CDHR2: variants seen among roughly 807,000 people sequenced by gnomAD.
CDHR2 encodes the protein cadherin related family member 2, also known as cadherin-related family member 2.
CDHR2 carries 104 observed loss-of-function variants against 138.6 expected under a neutral mutation model. That is an observed-to-expected ratio of 0.75 (90% CI 0.64 to 0.88). The LOEUF (loss-of-function observed/expected upper bound fraction) is 0.88, where lower values mean the gene tolerates loss of function less well. Ranked by LOEUF, CDHR2 falls within the 40% of genes least tolerant of loss-of-function variation. The pLI, the probability that CDHR2 is intolerant of heterozygous loss-of-function variation, is 0.00. For missense variants in CDHR2, 1,624 were observed against 1,727.6 expected (o/e 0.94, Z 1.06); for synonymous variants, 755 against 742.8 (o/e 1.02, Z -0.27).
chr5:176,552,178 G>A (rs987238489), intron 1 of CDHR2, among the ~76,000 whole-genome samples: 1 of 152,234 alleles, frequency 6.6e-6, no homozygotes, highest in Non-Finnish European at 1.5e-5. Flanking sequence ...CATTCACTCG[G>A]TTTCCATTTG....
rs1455371937 is a variant in CDHR2 at position 176,578,105 on chromosome 5, C to A, written c.1574+10C>A. 1.2e-6 allele frequency: 2 copies of A among 1,609,342 alleles called. No homozygotes were observed. Among genetic ancestry groups the A allele is most frequent in the South Asian group, 2.2e-5 (2 of 90,678 alleles). ...TGCTCCCAGGAAATGGGTAAGGGCT[C>A]AGGGTGGGCCGTAGGCAGGTGGGTG... On this transcript the variant is annotated intron_variant, in intron 15 of 31. Coordinates refer to ENST00000261944, the MANE Select transcript of CDHR2 (RefSeq NM_017675.6).
intron 31 of CDHR2, among the ~76,000 whole-genome samples, chr5:176,593,454 C>G (rs1265997557): frequency 6.6e-6 from 1 of 152,194 alleles, no homozygotes; most frequent in Non-Finnish European, 1.5e-5. Context: ...TGCTAAGGTG[C>G]AGGCACGGTG....
chr5:176,566,560 G>C (rs1309583379), intron 3 of CDHR2, among the ~76,000 whole-genome samples: 1 of 152,230 alleles, frequency 6.6e-6, no homozygotes, highest in African/African-American at 2.4e-5. Context: ...CGGAGCTGTG[G>C]GGGCATGTCC....
In CDHR2 at chr5:176,576,174, G is replaced by T. The variant is rs768702763; in HGVS notation, c.1183G>T (p.Asp395Tyr). The T allele has an allele frequency of 6.2e-7, 1 of 1,609,558 alleles. No homozygotes were observed. The highest frequency in any genetic ancestry group is 1.1e-5 in the South Asian group (1 of 90,998). The change falls in exon 12 of 32, where the codon GAC (aspartate) becomes TAC (tyrosine). Residue 395 changes from aspartate to tyrosine, a missense_variant. Around this residue, in one of 3 missense-constraint regions of CDHR2, gnomAD observed 1,061 missense variants for 1,136.6 expected, o/e 0.93. Coordinates refer to ENST00000261944, the MANE Select transcript of CDHR2 (RefSeq NM_017675.6). The surrounding 1 kb of genome is among the most constrained non-coding windows in gnomAD (Gnocchi z 4.5). ...PIDDLTMVVYDPDKGSNGTFL... is the reference protein window; with the variant it reads ...PIDDLTMVVYYPDKGSNGTFL... ...CGATGACCTCACCATGGTGGTCTAC[G>T]ACCCGGACAAGGCAGGCGTGGTGGC... is the stretch of plus-strand genomic sequence containing the variant.
At chr5:176,595,032 C>A (rs1758987759) in intron 31 of CDHR2, among the ~76,000 whole-genome samples, 1 of 152,206 alleles carries the variant, frequency 6.6e-6, no homozygotes, top group Non-Finnish European at 1.5e-5. Context: ...CGCTTTTGAA[C>A]CAGCAAGACC....
rs150379281 is a variant in CDHR2, at chr5:176,578,446, C to A, written c.1656C>A (p.Ala552=). Residue 552 remains alanine (A), a synonymous_variant, in exon 16 of 32, where the codon GCC becomes GCA. Transcript: ENST00000261944. ...NGELLDRESQ[A]VYYLTLQATD... ...AGCTGCTGGACCGGGAGAGCCAGGC[C>A]GTGTACTACCTGACGCTGCAGGCCA... The A allele has an allele frequency of 2.5e-6, 4 of 1,613,902 alleles. No homozygotes were observed. The highest frequency in any genetic ancestry group is 1.7e-5 in the Admixed American group (1 of 59,998).
chr5:176,578,250 A>C, intron 15 of CDHR2, 115 bp from the exon 16 acceptor site: 1 of 1,213,208 alleles, frequency 8.2e-7, no homozygotes, highest in Non-Finnish European at 1.2e-6. Flanking sequence ...GAAATAATGA[A>C]TATGTTGCAT....
At position 176,595,787 on chromosome 5, in the gene CDHR2, C is replaced by A; in HGVS notation, c.*115C>A. On this transcript the variant is annotated 3_prime_UTR_variant, in exon 32 of 32. Coordinates refer to ENST00000261944, the MANE Select transcript of CDHR2 (RefSeq NM_017675.6). ...GCCCTGCCTCCTGCTTTTGGCCAATCACGGCAGACAGGGGTTGGGGAAATA... is the reference window on the plus strand; with the variant it reads ...GCCCTGCCTCCTGCTTTTGGCCAATAACGGCAGACAGGGGTTGGGGAAATA... 1 of 1,039,054 alleles carries A rather than the reference C, an allele frequency of 9.6e-7. No homozygotes were observed. The highest frequency in any genetic ancestry group is 1.3e-6 in the Non-Finnish European group (1 of 745,180). 64.4% of individuals were successfully genotyped at this position (1,039,054 alleles called of 1,614,324 possible).
intron 30 of CDHR2, 152 bp downstream of exon 30, chr5:176,591,636 G>A: frequency 4.6e-6 from 3 of 651,480 alleles, no homozygotes; most frequent in Non-Finnish European, 8.3e-6. Context: ...GGTGGTGATG[G>A]TAGTGAGGTG....
chr5:176,578,497 C>T lies in CDHR2; in HGVS notation c.1707C>T (p.Ser569=), dbSNP rs1302112331. 1 of 1,613,918 alleles carries T rather than the reference C, an allele frequency of 6.2e-7. No homozygotes were observed. Among genetic ancestry groups the T allele is most frequent in the African/African-American group, 1.3e-5 (1 of 75,048 alleles). ...QATDGGNLSS[S]TTLQIHLLDI... is the part of the protein sequence containing the mutation. ...CAGACGGCGGGAACCTGTCCTCCTC[C>T]ACCACACTGCAGATCCACCTGCTGG... Residue 569 remains serine (S), a synonymous_variant, in exon 16 of 32, where the codon TCC becomes TCT. Coordinates refer to ENST00000261944, the MANE Select transcript of CDHR2 (RefSeq NM_017675.6).
Position 176,575,217 on chromosome 5 carries a change from G to A in CDHR2, c.621+8G>A. 6.2e-7 allele frequency: 1 copy of A among 1,614,168 alleles called. No individual in the cohort carries two copies. Among genetic ancestry groups the A allele is most frequent in the Non-Finnish European group, 8.5e-7 (1 of 1,180,018 alleles). On this transcript the variant is annotated splice_region_variant and intron_variant, in intron 8 of 31. Coordinates refer to ENST00000261944, the MANE Select transcript of CDHR2 (RefSeq NM_017675.6). ...CTGGAGCTGAAGGCCTGTGTGAGTG[G>A]GGGTGCCGGCAGGCGGGCCTAGGAC...
intron 30 of CDHR2, among the ~76,000 whole-genome samples, chr5:176,592,109 T>A (rs1758879008): frequency 6.9e-6 from 1 of 145,436 alleles, no homozygotes; most frequent in African/African-American, 2.6e-5. Context: ...GTGGTGGTGA[T>A]GGTGATGGTA....
At position 176,575,766 on chromosome 5, in the gene CDHR2, T is replaced by A; in HGVS notation, c.887T>A (p.Val296Glu). 2 of 1,565,222 alleles carry A rather than the reference T, an allele frequency of 1.3e-6. No individual in the cohort carries two copies. Among genetic ancestry groups the A allele is most frequent in the Non-Finnish European group, 1.7e-6 (2 of 1,154,754 alleles). The change falls in exon 11 of 32, where the codon GTG becomes GAG. Residue 296 changes from valine to glutamate, a missense_variant. Coordinates refer to ENST00000261944, the MANE Select transcript of CDHR2 (RefSeq NM_017675.6). ...TGGTTTGACATCGGGGCAGATGGGG[T>A]GATCAGGGTCAACGGCTCCCTGGAC... ...PGWFDIGADG[V>E]IRVNGSLDRE...
chr5:176,578,403 T>C lies in CDHR2; in HGVS notation c.1613T>C (p.Val538Ala). 6.2e-7 allele frequency: 1 copy of C among 1,613,968 alleles called. No homozygotes were observed. Among genetic ancestry groups the C allele is most frequent in the Non-Finnish European group, 8.5e-7 (1 of 1,179,966 alleles). The change falls in exon 16 of 32, where the codon GTG (valine) becomes GCG (alanine). Residue 538 changes from valine to alanine, a missense_variant. By Grantham distance (64) the Val-to-Ala change is moderately conservative (BLOSUM62 0). Around this residue, in one of 3 missense-constraint regions of CDHR2, gnomAD observed 1,061 missense variants for 1,136.6 expected, o/e 0.93. Transcript: ENST00000261944. ...LFQVDPVSGT[V>A]TVRNGELLDR... Reference sequence around the variant, plus strand: ...CAAGTGGATCCCGTCTCAGGGACGGTGACGGTGAGGAACGGTGAGCTGCTG... The same window carrying C: ...CAAGTGGATCCCGTCTCAGGGACGGCGACGGTGAGGAACGGTGAGCTGCTG...
Position 176,591,461 on chromosome 5 carries a change from C to T in CDHR2, c.3711C>T (p.Pro1237=). 6.2e-7 allele frequency: 1 copy of T among 1,613,780 alleles called. No homozygotes were observed. The highest frequency in any genetic ancestry group is 8.5e-7 in the Non-Finnish European group (1 of 1,179,850). ...ACCTGGGCTTGGAGTACCTCTCTCCCTCCAATGACCTGGACTCTGTCAGGT... is the reference window on the plus strand; with the variant it reads ...ACCTGGGCTTGGAGTACCTCTCTCCTTCCAATGACCTGGACTCTGTCAGGT... ...NKDLGLEYLS[P]SNDLDSVSVN... is the part of the protein sequence containing the mutation. The change falls in exon 30 of 32, where the codon CCC becomes CCT. Residue 1237 remains proline, a synonymous_variant. Transcript: ENST00000261944.
In CDHR2 at chr5:176,595,605, C is replaced by T; in HGVS notation, c.3866C>T (p.Ala1289Val). The T allele has an allele frequency of 6.2e-7, 1 of 1,612,838 alleles. No individual in the cohort carries two copies. The highest frequency in any genetic ancestry group is 8.5e-7 in the Non-Finnish European group (1 of 1,179,328). ...AGCGTGGTCCTGTTAGGACGGCAGG[C>T]AGGCGCAAGTGGACAGCTGGAGGGG... is the stretch of plus-strand genomic sequence containing the variant. ...PLSVVLLGRQ[A>V]GASGQLEGPS... The change falls in exon 32 of 32, where the codon GCA (alanine) becomes GTA (valine). Residue 1289 changes from alanine (A) to valine (V), a missense_variant. By Grantham distance (64) the Ala-to-Val change is moderately conservative. Coordinates refer to ENST00000261944, the MANE Select transcript of CDHR2 (RefSeq NM_017675.6).
In CDHR2 at chr5:176,555,939, GTT is replaced by G. The variant is rs376472822; in HGVS notation, c.-16+6530_-16+6531del. 1.8e-3 allele frequency among the ~76,000 whole-genome samples: 271 copies of G among 152,136 alleles called. 1 individual carries two copies. Among genetic ancestry groups the G allele is most frequent in the African/African-American group, 6.2e-3 (258 of 41,502 alleles). On this transcript the variant is annotated intron_variant, in intron 1 of 31. Coordinates refer to ENST00000261944, the MANE Select transcript of CDHR2 (RefSeq NM_017675.6). ...AAAACCCCCTCTGAAATGACCTACTGTTTTTTGTTTTTCTTAGAATAAAATGA... is the reference window on the plus strand; with the variant it reads ...AAAACCCCCTCTGAAATGACCTACTGTTTTGTTTTTCTTAGAATAAAATGA...
At chr5:176,594,737 C>T (rs986860068) in intron 31 of CDHR2, among the ~76,000 whole-genome samples, 1 of 152,188 alleles carries the variant, frequency 6.6e-6, no homozygotes, top group Non-Finnish European at 1.5e-5. Context: ...TGGAAAAAGC[C>T]CTTGGAGTGC....
chr5:176,550,959 C>T (rs1483911424), intron 1 of CDHR2, among the ~76,000 whole-genome samples: 1 of 152,194 alleles, frequency 6.6e-6, no homozygotes, highest in Admixed American at 6.5e-5. Context: ...CATCTCATGG[C>T]GTGGGGGCCA....
Sources: allele counts gnomAD v4.1 joint callset (sites outside exome capture counted in the v4.1 genomes callset), GRCh38; gene constraint gnomAD v4.1.1; regional missense constraint gnomAD v4.1.1; non-coding constraint Gnocchi (gnomAD v3.1); transcripts MANE v1.5; gene names NCBI Gene and HGNC (gene_info 2026-07-23, HGNC 2026-07-21).